Variants in TENM2 observed in about 807,000 individuals in gnomAD.
TENM2 encodes the protein teneurin transmembrane protein 2.
A neutral mutation model predicts 245.2 loss-of-function variants in TENM2; 52 were observed. The ratio of observed to expected loss-of-function variants is 0.21; its 90% CI spans 0.17 to 0.27. The LOEUF (loss-of-function observed/expected upper bound fraction) is 0.27, where lower values mean the gene tolerates loss of function less well. Among genes scored for constraint, TENM2 ranks in the 10% least tolerant of loss-of-function variants. The pLI is 1.00. For synonymous variants in TENM2, 1,363 were observed against 1,438.9 expected, an observed-to-expected ratio of 0.95 and a Z score of 1.19; for missense variants, 3,046 against 3,666.8, an observed-to-expected ratio of 0.83 and a Z score of 4.37.
At chr5:167,498,187 T>G (rs1288122868) in intron 2 of TENM2, among the ~76,000 whole-genome samples, 1 of 152,144 alleles carries the variant, frequency 6.6e-6, no homozygotes, top group Non-Finnish European at 1.5e-5. Flanking sequence ...AGGATTACAT[T>G]GTCGTCTGTG....
At chr5:168,113,184 G>A (rs370788048) in intron 9 of TENM2, among the ~76,000 whole-genome samples, 6 of 151,994 alleles carry the variant, frequency 3.9e-5, no homozygotes, top group Admixed American at 6.6e-5. Flanking sequence ...GCTGGGCATG[G>A]TGGTGCACAC....
At chr5:168,182,224 T>C (rs1019718551) in intron 13 of TENM2, among the ~76,000 whole-genome samples, 2 of 152,240 alleles carry the variant, frequency 1.3e-5, no homozygotes, top group Admixed American at 1.3e-4. Context: ...CTTTCACTTC[T>C]TAGTTACATC....
At chr5:167,168,882 C>A in the TENM2 span, among the ~76,000 whole-genome samples, 2 of 152,148 alleles carry the variant, frequency 1.3e-5, no homozygotes, top group African/African-American at 2.4e-5. Context: ...GCCTCAGCCT[C>A]CCAAGTAGCT....
intron 3 of TENM2, among the ~76,000 whole-genome samples, chr5:167,891,638 G>T (rs541139626): frequency 6.6e-6 from 1 of 152,114 alleles, no homozygotes; most frequent in African/African-American, 2.4e-5. Context: ...TGTTTGACAC[G>T]GGAGTATACA....
At chr5:168,174,266 C>A (rs1759130539) in intron 13 of TENM2, among the ~76,000 whole-genome samples, 1 of 152,164 alleles carries the variant, frequency 6.6e-6, no homozygotes, top group African/African-American at 2.4e-5. Context: ...GGGGAGACAG[C>A]CTGGCAGGGT....
At chr5:167,906,332 A>G (rs1258601341) in intron 3 of TENM2, among the ~76,000 whole-genome samples, 6 of 152,238 alleles carry the variant, frequency 3.9e-5, no homozygotes, top group African/African-American at 1.2e-4. Context: ...CTAAACAATC[A>G]AATCAGTGAA....
intron 2 of TENM2, among the ~76,000 whole-genome samples, chr5:167,850,506 C>T (rs1361420460): frequency 1.3e-5 from 2 of 152,100 alleles, no homozygotes; most frequent in Non-Finnish European, 2.9e-5. Context: ...AGAGAGAAGA[C>T]ATTGTTCAAA....
At chr5:168,035,358 A>G (rs1251853526) in intron 5 of TENM2, among the ~76,000 whole-genome samples, 1 of 152,118 alleles carries the variant, frequency 6.6e-6, no homozygotes, top group Non-Finnish European at 1.5e-5. Context: ...TTGGCTAGAC[A>G]TGGTGATGCA....
the TENM2 span, among the ~76,000 whole-genome samples, chr5:167,077,461 C>T: frequency 1.3e-5 from 2 of 152,102 alleles, no homozygotes; most frequent in East Asian, 1.9e-4. Flanking sequence ...GGAGGAAAAA[C>T]GTATTTTGTC....
chr5:167,013,458 C>G, the TENM2 span, among the ~76,000 whole-genome samples: 1 of 152,082 alleles, frequency 6.6e-6, no homozygotes, highest in Admixed American at 6.5e-5. Flanking sequence ...AAGAAATGAA[C>G]AGAAGCCATT....
chr5:167,312,199 T>A (rs1196068839), intron 1 of TENM2, among the ~76,000 whole-genome samples: 5 of 152,180 alleles, frequency 3.3e-5, no homozygotes, highest in African/African-American at 1.2e-4. Context: ...TTAAACACAA[T>A]AAAACATGTA....
At chr5:167,883,884 A>G (rs1231616803) in intron 3 of TENM2, among the ~76,000 whole-genome samples, 1 of 152,178 alleles carries the variant, frequency 6.6e-6, no homozygotes, top group African/African-American at 2.4e-5. Flanking sequence ...GAATCAAAGG[A>G]TTTCATTATT....
In TENM2 at chr5:168,159,576, C is replaced by A. The variant is rs565282586; in HGVS notation, c.2423-3035C>A. Among the ~76,000 whole-genome samples, 12 of 152,344 alleles carry A rather than the reference C, an allele frequency of 7.9e-5. No homozygotes were observed. In the South Asian group the frequency reaches 2.5e-3, roughly 32 times the overall value. ...CTTTACAAACACAAAGGATCACTTCCTCAGAAGGCCACCAGTAGAATGAAC... is the reference window on the plus strand; with the variant it reads ...CTTTACAAACACAAAGGATCACTTCATCAGAAGGCCACCAGTAGAATGAAC... On this transcript the variant is annotated intron_variant, in intron 12 of 28. Coordinates refer to ENST00000518659, the Ensembl canonical transcript of TENM2.
intron 2 of TENM2, among the ~76,000 whole-genome samples, chr5:167,866,497 CAAA>C (rs57131518): frequency 2.5e-4 from 20 of 80,128 alleles, no homozygotes; most frequent in African/African-American, 5.4e-4. Context: ...GACTCCATCT[CAAA>C]AAAAAAAAAA....
At chr5:168,224,251 G>A (rs1763940191) in intron 23 of TENM2, among the ~76,000 whole-genome samples, 1 of 152,162 alleles carries the variant, frequency 6.6e-6, no homozygotes, top group Admixed American at 6.5e-5. Flanking sequence ...GGCTTTCCAG[G>A]GAGTGCATGG....
At chr5:167,012,993 T>G in the TENM2 span, among the ~76,000 whole-genome samples, 1 of 152,068 alleles carries the variant, frequency 6.6e-6, no homozygotes, top group African/African-American at 2.4e-5. Context: ...GTAAGGGGAA[T>G]ATAGTAGTAC....
At chr5:167,402,256 G>C (rs986711589) in intron 2 of TENM2, among the ~76,000 whole-genome samples, 10 of 152,080 alleles carry the variant, frequency 6.6e-5, no homozygotes, top group Admixed American at 5.2e-4. Flanking sequence ...GATTATATAA[G>C]CTAATGTATT....
Position 167,974,271 on chromosome 5 carries a change from AG to A in TENM2, c.948-18671del, listed in dbSNP as rs1214355529. ...AAGGAAGGAAGGGAGGAAAGGAGGG[AG>A]GAAGGAAGGAAGGAAGGAAGGAAGG... On this transcript the variant is annotated intron_variant, in intron 4 of 28. Transcript: ENST00000518659. 7.1e-3 allele frequency among the ~76,000 whole-genome samples: 4 copies of A among 564 alleles called. 2 individuals are homozygous for A. The highest frequency in any genetic ancestry group is 0.012 in the Non-Finnish European group (4 of 340). The allele number at this position is 564 out of a possible 152,430, so 0.4% of individuals were successfully genotyped here.
At chr5:167,013,385 T>C in the TENM2 span, among the ~76,000 whole-genome samples, 1 of 152,212 alleles carries the variant, frequency 6.6e-6, no homozygotes, top group African/African-American at 2.4e-5. Context: ...TTTTCCACCT[T>C]TTCTATCAGT....
Sources: allele counts gnomAD v4.1 joint callset (sites outside exome capture counted in the v4.1 genomes callset), GRCh38; gene constraint gnomAD v4.1.1; transcripts MANE v1.5; gene names NCBI Gene and HGNC (gene_info 2026-07-23, HGNC 2026-07-21).